RGL1: variants seen among roughly 807,000 people sequenced by gnomAD.
RGL1 encodes ral guanine nucleotide dissociation stimulator like 1, also known as ral guanine nucleotide dissociation stimulator-like 1.
In RGL1, 24 loss-of-function variants were observed where a neutral mutation model predicts 95.2. That is an observed-to-expected ratio of 0.25 (90% CI 0.18 to 0.35). The LOEUF (loss-of-function observed/expected upper bound fraction) is 0.35, where lower values mean the gene tolerates loss of function less well. RGL1 is among the 10% of genes least tolerant of loss of function. RGL1 has a pLI of 1.00. For synonymous variants in RGL1, 329 were observed against 344.9 expected (o/e 0.95, Z 0.51); for missense variants, 715 against 936.3 (o/e 0.76, Z 3.08).
chr1:183,657,527 G>C (rs1302998408), intron 1 of RGL1, among the ~76,000 whole-genome samples: 2 of 150,764 alleles, frequency 1.3e-5, no homozygotes, highest in Non-Finnish European at 3.0e-5. Context: ...ACCTATGAGT[G>C]AGAACATGCA....
chr1:183,844,897 T>G (rs1272311564), intron 2 of RGL1, among the ~76,000 whole-genome samples: 1 of 152,216 alleles, frequency 6.6e-6, no homozygotes, highest in Admixed American at 6.5e-5. Context: ...CCACATAAGC[T>G]GGAGTCTTAA....
intron 15 of RGL1, 59 bp from the exon 16 acceptor site, chr1:183,916,388 G>A: frequency 6.3e-7 from 1 of 1,586,948 alleles, no homozygotes; most frequent in Non-Finnish European, 8.6e-7. Context: ...TTTGAAAATT[G>A]CAAAGCTGTT....
chr1:183,751,517 A>C (rs1190939911), intron 2 of RGL1, among the ~76,000 whole-genome samples: 1 of 151,976 alleles, frequency 6.6e-6, no homozygotes, highest in Non-Finnish European at 1.5e-5. Flanking sequence ...GAGTGAGACC[A>C]CTTGGCTTCC....
intron 1 of RGL1, among the ~76,000 whole-genome samples, chr1:183,723,316 T>A (rs1454547440): frequency 6.6e-6 from 1 of 152,144 alleles, no homozygotes; most frequent in East Asian, 1.9e-4. Flanking sequence ...AACAACTATC[T>A]ACCCACATAA....
chr1:183,667,022 T>A (rs1215184604), intron 1 of RGL1, among the ~76,000 whole-genome samples: 2 of 152,244 alleles, frequency 1.3e-5, no homozygotes, highest in Non-Finnish European at 2.9e-5. Context: ...ATTTTGATAC[T>A]CTGTTGTTAG....
At chr1:183,780,449 G>T (rs564039914) in intron 2 of RGL1, among the ~76,000 whole-genome samples, 80 of 152,322 alleles carry the variant, frequency 5.3e-4, no homozygotes, top group Non-Finnish European at 9.1e-4. Flanking sequence ...TTGCTTCCCT[G>T]AAGAAGCTTC....
chr1:183,639,660 G>A (rs765512902), intron 1 of RGL1, among the ~76,000 whole-genome samples: 1 of 149,512 alleles, frequency 6.7e-6, no homozygotes, highest in Non-Finnish European at 1.5e-5. Context: ...TAGATAGGGT[G>A]AACTCTCTAC....
intron 1 of RGL1, among the ~76,000 whole-genome samples, chr1:183,694,427 T>A (rs1287816355): frequency 6.6e-6 from 1 of 152,264 alleles, no homozygotes; most frequent in Non-Finnish European, 1.5e-5. Flanking sequence ...CCATTTTTTC[T>A]TTCAGTCCTT....
At chr1:183,665,800 T>G (rs1279742694) in intron 1 of RGL1, among the ~76,000 whole-genome samples, 4 of 152,176 alleles carry the variant, frequency 2.6e-5, no homozygotes, top group Non-Finnish European at 5.9e-5. Context: ...GGCTTGAGGC[T>G]TATTGATTTT....
At chr1:183,801,226 T>C (rs1196830861), upstream of RGL1, among the ~76,000 whole-genome samples, 2 of 152,012 alleles carry the variant, frequency 1.3e-5, no homozygotes, top group African/African-American at 4.8e-5. Context: ...TCATTATGGT[T>C]TTGGTGTGCA....
chr1:183,710,482 T>C (rs547226591), intron 1 of RGL1, among the ~76,000 whole-genome samples: 14 of 152,246 alleles, frequency 9.2e-5, no homozygotes, highest in Non-Finnish European at 1.8e-4. Flanking sequence ...GCATCCCCTG[T>C]TTTTTGGCAG....
At chr1:183,729,165 TCAGA>T (rs1656481623) in intron 1 of RGL1, among the ~76,000 whole-genome samples, 1 of 141,990 alleles carries the variant, frequency 7.0e-6, no homozygotes, top group African/African-American at 2.5e-5. Flanking sequence ...AAGGTAGACC[TCAGA>T]CAGATAAAAT....
intron 2 of RGL1, among the ~76,000 whole-genome samples, chr1:183,845,002 A>G (rs560511111): frequency 3.9e-5 from 6 of 152,196 alleles, no homozygotes; most frequent in Non-Finnish European, 7.3e-5. Flanking sequence ...TCTGAAAGCA[A>G]TCCATCTGTT....
Position 183,701,003 on chromosome 1 carries a change from G to C in RGL1, c.-32-41123G>C, listed in dbSNP as rs556193202. On this transcript the variant is annotated intron_variant, in intron 1 of 18. Coordinates refer to the RGL1 transcript ENST00000304685. Reference sequence around the variant, plus strand: ...TCCCACTTATGAGTGAGAACATGTGGTGTTTCGTTTTCTGTTCCTATGTTA... The same window carrying C: ...TCCCACTTATGAGTGAGAACATGTGCTGTTTCGTTTTCTGTTCCTATGTTA... Among the ~76,000 whole-genome samples, 6 of 152,288 alleles carry C rather than the reference G, an allele frequency of 3.9e-5. No homozygotes were observed. In the East Asian group the frequency reaches 1.2e-3, roughly 29 times the overall value.
intron 4 of RGL1, among the ~76,000 whole-genome samples, chr1:183,869,619 T>C (rs1350588569): frequency 6.6e-6 from 1 of 152,216 alleles, no homozygotes; most frequent in Non-Finnish European, 1.5e-5. Context: ...TCTGTCTTTC[T>C]CACTGTTTTT....
At chr1:183,744,588 A>G (rs934878443) in intron 2 of RGL1, among the ~76,000 whole-genome samples, 4 of 152,302 alleles carry the variant, frequency 2.6e-5, no homozygotes, top group Non-Finnish European at 5.9e-5. Flanking sequence ...TGCATATTTC[A>G]GTATTTATAC....
At chr1:183,868,297 T>C (rs1333332801) in intron 4 of RGL1, among the ~76,000 whole-genome samples, 2 of 152,212 alleles carry the variant, frequency 1.3e-5, no homozygotes, top group African/African-American at 4.8e-5. Flanking sequence ...ATGAAGGGCA[T>C]TAATTTCTTG....
intron 3 of RGL1, among the ~76,000 whole-genome samples, chr1:183,852,641 C>T (rs888813950): frequency 4.6e-5 from 7 of 152,022 alleles, no homozygotes; most frequent in African/African-American, 1.7e-4. Flanking sequence ...TGGTGAAACC[C>T]TGTCCCTACT....
chr1:183,640,977 GT>G (rs1649884600), intron 1 of RGL1, among the ~76,000 whole-genome samples: 1 of 152,010 alleles, frequency 6.6e-6, no homozygotes, highest in South Asian at 2.1e-4. Context: ...AAATCATATA[GT>G]TTCTATCTTT....
Sources: gnomAD v4.1 joint callset for allele counts (sites outside exome capture counted in the v4.1 genomes callset) on GRCh38, gnomAD v4.1.1 for gene constraint, MANE v1.5 for transcripts, NCBI Gene and HGNC (gene_info 2026-07-23, HGNC 2026-07-21) for gene names.